The following ESRRG variants were observed in gnomAD, a reference collection of about 807,000 sequenced individuals.
ESRRG encodes the protein estrogen related receptor gamma, also known as estrogen-related receptor gamma.
In ESRRG, 13 loss-of-function variants were observed where a neutral mutation model predicts 44.0. The observed-to-expected ratio is 0.30, with a 90% CI of 0.19 to 0.47. The LOEUF (loss-of-function observed/expected upper bound fraction) is 0.47. ESRRG is among the 20% of genes least tolerant of loss of function. ESRRG has a pLI of 1.00. For missense variants in ESRRG, 395 were observed against 580.6 expected (o/e 0.68, Z 3.29); for synonymous variants, 215 against 214.6 (o/e 1.00, Z -0.02).
intron 1 of ESRRG, among the ~76,000 whole-genome samples, chr1:216,679,607 G>T (rs751238421): frequency 2.7e-5 from 4 of 148,470 alleles, no homozygotes; most frequent in African/African-American, 9.9e-5. Flanking sequence ...ACAAGGCACC[G>T]TTTTTTAATT....
chr1:216,506,383 T>C lies in ESRRG; in HGVS notation c.*556A>G. The C allele has an allele frequency of 3.3e-6, 1 of 307,008 alleles. No homozygotes were observed. 19.0% of individuals were successfully genotyped at this position (307,008 alleles called of 1,614,324 possible). Reference sequence around the variant, plus strand: ...GGGCTGGCTTCCATCTCTCTTCAGTTAGAGACCTCTTTTAAAAGTTCAGCA... The same window carrying C: ...GGGCTGGCTTCCATCTCTCTTCAGTCAGAGACCTCTTTTAAAAGTTCAGCA... On this transcript the variant is annotated 3_prime_UTR_variant, in exon 7 of 7. Transcript: ENST00000408911.
At chr1:217,028,411 A>G (rs1459151561) in intron 1 of ESRRG, among the ~76,000 whole-genome samples, 1 of 152,208 alleles carries the variant, frequency 6.6e-6, no homozygotes, top group East Asian at 1.9e-4. Context: ...TGGTAAATAC[A>G]GAAGTCCAAT....
intron 1 of ESRRG, among the ~76,000 whole-genome samples, chr1:216,946,955 C>A (rs2066159034): frequency 6.6e-6 from 1 of 152,130 alleles, no homozygotes; most frequent in South Asian, 2.1e-4. Context: ...CCGCCTCGGC[C>A]TCCCTAAGTG....
intron 1 of ESRRG, among the ~76,000 whole-genome samples, chr1:217,053,758 TCTTTTGCCAGCCACCAAAGGGCTGG>T (rs2086571167): frequency 6.6e-6 from 1 of 152,076 alleles, no homozygotes; most frequent in African/African-American, 2.4e-5. Context: ...CCCTTTGTGT[TCTTTTGCCAGCCACCAAAGGGCTGG>T]CTATCGTCAT....
At chr1:216,707,614 G>T in intron 1 of ESRRG, 2 of 921,470 alleles carry the variant, frequency 2.2e-6, no homozygotes, top group Non-Finnish European at 1.6e-6. Flanking sequence ...GGAGACTTAG[G>T]TATGAAAAAT....
intron 2 of ESRRG, among the ~76,000 whole-genome samples, chr1:216,855,558 A>G (rs1382388474): frequency 6.6e-6 from 1 of 152,200 alleles, no homozygotes; most frequent in Non-Finnish European, 1.5e-5. Flanking sequence ...ATGCTTTTTG[A>G]ATTTAATGTA....
At chr1:217,026,414 T>C (rs1040217734) in intron 1 of ESRRG, among the ~76,000 whole-genome samples, 7 of 152,198 alleles carry the variant, frequency 4.6e-5, no homozygotes, top group Middle Eastern at 3.2e-3. Flanking sequence ...AAGACACCAC[T>C]CACAGTTAAC....
upstream of ESRRG, among the ~76,000 whole-genome samples, chr1:217,092,208 A>ACT (rs773313623): frequency 1.1e-4 from 17 of 152,210 alleles, no homozygotes; most frequent in Admixed American, 3.9e-4. Context: ...TCTGCAGACT[A>ACT]CTTTCAAGTC....
intron 5 of ESRRG, among the ~76,000 whole-genome samples, chr1:216,537,115 G>T (rs1386559178): frequency 6.6e-6 from 1 of 151,930 alleles, no homozygotes; most frequent in South Asian, 2.1e-4. Flanking sequence ...AAATCCTATC[G>T]CCAAAGGTAT....
At chr1:216,657,632 A>C (rs11117647) in intron 2 of ESRRG, among the ~76,000 whole-genome samples, 31,549 of 152,126 alleles carry the variant, frequency 0.21, 4,196 homozygotes, top group Non-Finnish European at 0.3. Flanking sequence ...AAATACTATA[A>C]GGAATGGGTA....
At chr1:216,599,702 T>C (rs1285146839) in intron 3 of ESRRG, among the ~76,000 whole-genome samples, 2 of 152,072 alleles carry the variant, frequency 1.3e-5, no homozygotes, top group Non-Finnish European at 2.9e-5. Flanking sequence ...AATTGACCAT[T>C]TCCAGTTAAC....
chr1:217,076,247 T>C (rs906013342), intron 1 of ESRRG, among the ~76,000 whole-genome samples: 16 of 152,170 alleles, frequency 1.1e-4, no homozygotes, highest in African/African-American at 3.9e-4. Context: ...GCATGCTGTG[T>C]ACTGACTAGA....
intron 2 of ESRRG, among the ~76,000 whole-genome samples, chr1:216,742,169 T>C (rs1009432040): frequency 6.6e-6 from 1 of 152,196 alleles, no homozygotes; most frequent in Admixed American, 6.5e-5. Flanking sequence ...ACCAAATGCA[T>C]TCTTATTTCC....
intron 2 of ESRRG, among the ~76,000 whole-genome samples, chr1:216,846,611 G>A (rs956495658): frequency 2.6e-5 from 4 of 152,156 alleles, no homozygotes; most frequent in African/African-American, 9.7e-5. Context: ...ATCTCTGATT[G>A]CTTTCTCAAG....
chr1:216,536,165 T>C (rs2050887603), intron 5 of ESRRG, among the ~76,000 whole-genome samples: 1 of 152,116 alleles, frequency 6.6e-6, no homozygotes, highest in African/African-American at 2.4e-5. Flanking sequence ...TCACTTCTTC[T>C]CTTCTTCCTC....
chr1:216,804,689 C>A (rs575096468), intron 2 of ESRRG, among the ~76,000 whole-genome samples: 33 of 151,708 alleles, frequency 2.2e-4, no homozygotes, highest in African/African-American at 7.7e-4. Context: ...CAAATTTGTG[C>A]TTTGAAGTTC....
chr1:216,817,635 T>A (rs181496613), intron 2 of ESRRG, among the ~76,000 whole-genome samples: 55 of 152,354 alleles, frequency 3.6e-4, no homozygotes, highest in Admixed American at 3.4e-3. Flanking sequence ...ATTTTTTAAT[T>A]TCATGCATTT....
intron 1 of ESRRG, among the ~76,000 whole-genome samples, chr1:216,981,000 G>C (rs944340363): frequency 6.6e-6 from 1 of 152,054 alleles, no homozygotes; most frequent in East Asian, 1.9e-4. Context: ...TTACCTATTT[G>C]CATCCTTTTC....
intron 2 of ESRRG, among the ~76,000 whole-genome samples, chr1:216,800,950 T>C (rs2094595977): frequency 1.3e-5 from 2 of 152,200 alleles, no homozygotes; most frequent in Admixed American, 6.6e-5. Flanking sequence ...TTGTGTGGTA[T>C]ACAATGATAT....
Sources: allele counts gnomAD v4.1 joint callset (sites outside exome capture counted in the v4.1 genomes callset), GRCh38; gene constraint gnomAD v4.1.1; transcripts MANE v1.5; gene names NCBI Gene and HGNC (gene_info 2026-07-23, HGNC 2026-07-21).